GALK2: variants seen among roughly 807,000 people sequenced by gnomAD.
The protein encoded by GALK2 is galactokinase 2, also known as N-acetylgalactosamine kinase.
Under a neutral mutation model 52.4 loss-of-function variants are expected in GALK2, and 36 were observed. That is an observed-to-expected ratio of 0.69 (90% CI 0.53 to 0.91). The LOEUF is 0.91. Ranked by LOEUF, GALK2 falls within the 40% of genes least tolerant of loss-of-function variation. The pLI, the probability that GALK2 is intolerant of heterozygous loss-of-function variation, is 0.00. For missense variants in GALK2, 579 were observed against 559.1 expected, an observed-to-expected ratio of 1.04 and a Z score of -0.36; for synonymous variants, 176 against 199.1, an observed-to-expected ratio of 0.88 and a Z score of 0.98.
intron 8 of GALK2, chr15:49,318,272 G>C (rs2036583739): frequency 6.6e-6 from 1 of 152,088 alleles, no homozygotes; most frequent in Non-Finnish European, 1.5e-5. Context: ...TGTTTCTGTA[G>C]CTGAAATTAC....
intron 1 of GALK2, among the ~76,000 whole-genome samples, chr15:49,158,472 T>C (rs55826479): frequency 2.0e-5 from 3 of 152,174 alleles, no homozygotes; most frequent in Non-Finnish European, 4.4e-5. Flanking sequence ...TGTAAATCAG[T>C]CAAAACTTTA....
In GALK2 at chr15:49,204,628, G is replaced by A. The variant is rs920867640; in HGVS notation, c.142+3378G>A. Among the ~76,000 whole-genome samples, 2 of 151,546 alleles carry A rather than the reference G, an allele frequency of 1.3e-5. 1 individual carries two copies. The highest frequency in any genetic ancestry group is 4.2e-4 in the South Asian group (2 of 4,786). ...ATTGCTTGCTTGATTTCTTTTTCAGGTAGTCTGTTATTGGTGTATAGAAAC... is the reference window on the plus strand; with the variant it reads ...ATTGCTTGCTTGATTTCTTTTTCAGATAGTCTGTTATTGGTGTATAGAAAC... On this transcript the variant is annotated intron_variant, in intron 2 of 9. Transcript: ENST00000560031.
intron 2 of GALK2, among the ~76,000 whole-genome samples, chr15:49,205,159 T>G (rs1246249014): frequency 6.9e-6 from 1 of 144,490 alleles, no homozygotes; most frequent in Non-Finnish European, 1.5e-5. Flanking sequence ...TGACATATAG[T>G]GGCAATTGTG....
intron 1 of GALK2, among the ~76,000 whole-genome samples, chr15:49,182,575 G>A (rs1177618819): frequency 7.9e-5 from 12 of 152,026 alleles, no homozygotes; most frequent in African/African-American, 2.2e-4. Context: ...AACTGTTCTC[G>A]GTAGTGGTTG....
At chr15:49,261,118 C>G (rs928062114) in intron 5 of GALK2, among the ~76,000 whole-genome samples, 1 of 150,046 alleles carries the variant, frequency 6.7e-6, no homozygotes, top group Admixed American at 6.7e-5. Context: ...TCATTGGTAG[C>G]TTGATGGGGA....
intron 8 of GALK2, among the ~76,000 whole-genome samples, chr15:49,296,523 C>G (rs541404976): frequency 6.6e-6 from 1 of 152,160 alleles, no homozygotes; most frequent in African/African-American, 2.4e-5. Context: ...ATCCAGTCAA[C>G]TGTTGGGCAT....
At chr15:49,259,728 C>T (rs1203978075) in intron 5 of GALK2, among the ~76,000 whole-genome samples, 1 of 136,628 alleles carries the variant, frequency 7.3e-6, no homozygotes, top group Non-Finnish European at 1.6e-5. Context: ...ATCCCTCCCC[C>T]CTCCCCCAAC....
At chr15:49,228,688 T>TATATATACATATATA in intron 3 of GALK2, among the ~76,000 whole-genome samples, 1 of 10,452 alleles carries the variant, frequency 9.6e-5, no homozygotes, top group Admixed American at 1.5e-3. Flanking sequence ...TATATATATA[T>TATATATACATATATA]TTTTTTTTTT....
intron 2 of GALK2, among the ~76,000 whole-genome samples, chr15:49,213,705 C>T (rs548454069): frequency 6.6e-6 from 1 of 152,262 alleles, no homozygotes; most frequent in Non-Finnish European, 1.5e-5. Context: ...AAGGTACAGA[C>T]TTACTACTGC....
At chr15:49,327,658 C>T (rs1043530556) in intron 9 of GALK2, 2 of 222,700 alleles carry the variant, frequency 9.0e-6, no homozygotes, top group Admixed American at 1.1e-4. Context: ...CAAGTGGCTA[C>T]TTTATGGAAT....
chr15:49,308,156 C>T (rs547152848), intron 8 of GALK2, among the ~76,000 whole-genome samples: 4 of 152,254 alleles, frequency 2.6e-5, no homozygotes, highest in South Asian at 2.1e-4. Flanking sequence ...CCTCAGAGCA[C>T]GGACTTTTTA....
chr15:49,260,762 T>A (rs1164707373), intron 5 of GALK2, among the ~76,000 whole-genome samples: 5 of 152,184 alleles, frequency 3.3e-5, no homozygotes, highest in African/African-American at 4.8e-5. Context: ...AAGGAAGGGA[T>A]CGAGTTTCAG....
chr15:49,192,301 A>G lies in GALK2; in HGVS notation c.54-8861A>G, dbSNP rs561214065. On this transcript the variant is annotated intron_variant, in intron 1 of 9. Coordinates refer to ENST00000560031, the MANE Select transcript of GALK2 (RefSeq NM_002044.4). ...AAGCACTTTGCTTTTTTCTTTTAACATAGTATTTCTGGAAGTCGCTAGATC... is the reference window on the plus strand; with the variant it reads ...AAGCACTTTGCTTTTTTCTTTTAACGTAGTATTTCTGGAAGTCGCTAGATC... Among the ~76,000 whole-genome samples, 6 of 151,844 alleles carry G rather than the reference A, an allele frequency of 4.0e-5. No individual in the cohort carries two copies. The South Asian group carries it at 1.2e-3, about 32-fold the overall frequency.
At chr15:49,341,197 T>C (rs1435776785) in intron 3 of GALK2, among the ~76,000 whole-genome samples, 1 of 152,234 alleles carries the variant, frequency 6.6e-6, no homozygotes, top group African/African-American at 2.4e-5. Flanking sequence ...TTGGGTAATA[T>C]GATGCCTTCA....
At chr15:49,334,443 G>C (rs1026870392), downstream of GALK2, 1 of 154,766 alleles carries the variant, frequency 6.5e-6, no homozygotes, top group Admixed American at 6.6e-5. Context: ...TTAGTGTAAA[G>C]AACCCCTCAG....
Position 49,201,258 on chromosome 15 carries a change from A to G in GALK2, c.142+8A>G, listed in dbSNP as rs745641403. ...GAAGAGTCAACATAATAGGTATTTCAAAAGTTCCTTCTCTTAATTTTTTTC... is the reference window on the plus strand; with the variant it reads ...GAAGAGTCAACATAATAGGTATTTCGAAAGTTCCTTCTCTTAATTTTTTTC... On this transcript the variant is annotated splice_region_variant and intron_variant, in intron 2 of 9. Coordinates refer to ENST00000560031, the MANE Select transcript of GALK2 (RefSeq NM_002044.4). 2 of 1,526,220 alleles carry G rather than the reference A, an allele frequency of 1.3e-6. No individual in the cohort carries two copies. The highest frequency in any genetic ancestry group is 1.8e-6 in the Non-Finnish European group (2 of 1,106,302). The allele number at this position is 1,526,220 out of a possible 1,614,324, so 94.5% of individuals were successfully genotyped here. A position where few individuals can be genotyped will look rare whatever the true frequency, so the allele number is the denominator to read the frequency against.
Position 49,255,910 on chromosome 15 carries a change from A to G in GALK2, c.504+16543A>G, listed in dbSNP as rs1182259723. Among the ~76,000 whole-genome samples the G allele has an allele frequency of 3.3e-5, 5 of 152,264 alleles. No individual in the cohort carries two copies. In the East Asian group the frequency reaches 9.6e-4, roughly 29 times the overall value. ...AATTTCAATTCATTATTGCACTGCT[A>G]TTTAAGTCTGTTCATGTTCTTCATT... is the stretch of plus-strand genomic sequence containing the variant. On this transcript the variant is annotated intron_variant, in intron 5 of 9. Transcript: ENST00000560031.
intron 7 of GALK2, among the ~76,000 whole-genome samples, chr15:49,288,989 A>C (rs941034354): frequency 5.3e-5 from 8 of 152,158 alleles, no homozygotes; most frequent in African/African-American, 1.9e-4. Context: ...ATACTTCATT[A>C]CTTTGAGGAA....
At chr15:49,257,784 A>G (rs1480692374) in intron 5 of GALK2, among the ~76,000 whole-genome samples, 1 of 151,948 alleles carries the variant, frequency 6.6e-6, no homozygotes, top group African/African-American at 2.4e-5. Flanking sequence ...GTGAAACTAT[A>G]TTTCTTAATA....
Sources: allele counts gnomAD v4.1 joint callset (sites outside exome capture counted in the v4.1 genomes callset), GRCh38; gene constraint gnomAD v4.1.1; transcripts MANE v1.5; gene names NCBI Gene and HGNC (gene_info 2026-07-23, HGNC 2026-07-21).